SNX29: variants seen among roughly 807,000 people sequenced by gnomAD.
SNX29 encodes sorting nexin-29.
Under a neutral mutation model 102.1 loss-of-function variants are expected in SNX29, and 78 were observed. That is an observed-to-expected ratio of 0.76 (90% confidence interval 0.64 to 0.92). The LOEUF (loss-of-function observed/expected upper bound fraction) is 0.92. Among genes scored for constraint, SNX29 ranks in the 40% least tolerant of loss-of-function variants. SNX29 has a pLI of 0.00. For missense variants in SNX29, 1,280 were observed against 1,061.7 expected, an observed-to-expected ratio of 1.21 and a Z score of -2.86; for synonymous variants, 580 against 414.5, an observed-to-expected ratio of 1.40 and a Z score of -4.85.
chr16:12,159,373 T>C (rs1019685012), intron 13 of SNX29, among the ~76,000 whole-genome samples: 24 of 152,244 alleles, frequency 1.6e-4, no homozygotes, highest in Non-Finnish European at 3.2e-4. Flanking sequence ...AATCCCAGTA[T>C]TGAGTAGATG....
intron 20 of SNX29, among the ~76,000 whole-genome samples, chr16:12,535,666 C>T (rs1035485349): frequency 1.3e-5 from 2 of 152,146 alleles, no homozygotes; most frequent in Non-Finnish European, 2.9e-5. Flanking sequence ...ATCTTCAGGG[C>T]TGGGGCTTTC....
intron 20 of SNX29, among the ~76,000 whole-genome samples, chr16:12,548,356 T>C (rs544414188): frequency 6.1e-4 from 93 of 152,350 alleles, no homozygotes; most frequent in South Asian, 2.5e-3. Flanking sequence ...GTGGGCACTC[T>C]GCACCCACAT....
chr16:12,353,464 G>A (rs974121711), intron 15 of SNX29, among the ~76,000 whole-genome samples: 3 of 140,228 alleles, frequency 2.1e-5, no homozygotes, highest in African/African-American at 3.3e-5. Flanking sequence ...TGAAATGGGT[G>A]TGGTTTTTAA....
At chr16:12,491,011 C>G (rs540749241) in intron 19 of SNX29, among the ~76,000 whole-genome samples, 1 of 152,212 alleles carries the variant, frequency 6.6e-6, no homozygotes, top group East Asian at 1.9e-4. Flanking sequence ...ATCAATGATA[C>G]TTATTCTTTA....
rs147964116 is a variant in SNX29 at position 12,123,781 on chromosome 16, C to G, written c.1403-2852C>G. Among the ~76,000 whole-genome samples the G allele has an allele frequency of 3.0e-3, 460 of 152,194 alleles. 3 individuals carry two copies. The highest frequency in any genetic ancestry group is 0.01 in the African/African-American group (436 of 41,526). Reference sequence around the variant, plus strand: ...GCGATGTTCTCCTAAGATGGGCTGGCAAATGTTTTCTGGAAAGGGCTGGAC... The same window carrying G: ...GCGATGTTCTCCTAAGATGGGCTGGGAAATGTTTTCTGGAAAGGGCTGGAC... On this transcript the variant is annotated intron_variant, in intron 11 of 20. Transcript: ENST00000566228.
Position 12,150,551 on chromosome 16 carries a change from G to T in SNX29, c.1595+20793G>T, listed in dbSNP as rs566553503. On this transcript the variant is annotated intron_variant, in intron 13 of 20. Transcript: ENST00000566228. ...GTCATTGAGGAGCAGACCTTTTGAAGAGTGAGTCTGCATCACAGCTTTAAC... is the reference window on the plus strand; with the variant it reads ...GTCATTGAGGAGCAGACCTTTTGAATAGTGAGTCTGCATCACAGCTTTAAC... Among the ~76,000 whole-genome samples, 9 of 152,356 alleles carry T rather than the reference G, an allele frequency of 5.9e-5. 1 individual carries two copies. The South Asian group carries it at 1.9e-3, about 32-fold the overall frequency.
intron 4 of SNX29, among the ~76,000 whole-genome samples, chr16:12,040,249 C>T (rs3862465): frequency 0.36 from 55,079 of 151,764 alleles, 10,747 homozygotes; most frequent in Non-Finnish European, 0.44. Flanking sequence ...CATGGGGGTG[C>T]GTGCCTGTGT....
intron 16 of SNX29, among the ~76,000 whole-genome samples, chr16:12,395,003 C>T (rs892085365): frequency 5.9e-5 from 9 of 152,150 alleles, no homozygotes; most frequent in South Asian, 2.1e-4. Context: ...TCTTTACCAC[C>T]GCCTTACCTG....
At chr16:12,467,216 A>C (rs1398838203) in intron 18 of SNX29, among the ~76,000 whole-genome samples, 2 of 152,204 alleles carry the variant, frequency 1.3e-5, no homozygotes, top group Non-Finnish European at 2.9e-5. Context: ...TGAATGGGCC[A>C]ACCATGGTCC....
chr16:12,033,569 T>C (rs2057398442), intron 4 of SNX29, among the ~76,000 whole-genome samples: 1 of 152,156 alleles, frequency 6.6e-6, no homozygotes, highest in South Asian at 2.1e-4. Flanking sequence ...TGAGTTCTTC[T>C]TCCATCAAAC....
chr16:12,253,277 G>T (rs751748638), intron 14 of SNX29, among the ~76,000 whole-genome samples: 1 of 152,176 alleles, frequency 6.6e-6, no homozygotes. Context: ...TGTTTATTGA[G>T]TGCCTGTCAT....
intron 11 of SNX29, among the ~76,000 whole-genome samples, chr16:12,085,614 A>C (rs1049307992): frequency 6.6e-6 from 1 of 152,186 alleles, no homozygotes; most frequent in Non-Finnish European, 1.5e-5. Context: ...GGCGTGAGCC[A>C]CCGTGCCCAG....
intron 19 of SNX29, among the ~76,000 whole-genome samples, chr16:12,479,413 G>C (rs2087804202): frequency 1.3e-5 from 2 of 152,176 alleles, no homozygotes; most frequent in African/African-American, 4.8e-5. Flanking sequence ...ACATTTACAT[G>C]TGTGTAGATT....
At chr16:12,091,762 G>T (rs2151405943) in intron 11 of SNX29, among the ~76,000 whole-genome samples, 1 of 117,172 alleles carries the variant, frequency 8.5e-6, no homozygotes, top group African/African-American at 3.5e-5. Context: ...GGGCAACAGA[G>T]CAAGATCCTT....
At chr16:12,064,011 C>T (rs1180036846) in intron 9 of SNX29, among the ~76,000 whole-genome samples, 1 of 151,982 alleles carries the variant, frequency 6.6e-6, no homozygotes, top group African/African-American at 2.4e-5. Flanking sequence ...TCTAGGACCC[C>T]TGGGGAGTTT....
intron 15 of SNX29, among the ~76,000 whole-genome samples, chr16:12,329,816 C>T (rs1216415837): frequency 6.6e-6 from 1 of 152,232 alleles, no homozygotes; most frequent in African/African-American, 2.4e-5. Flanking sequence ...TTGTATTTTT[C>T]AGACCTGTTC....
chr16:12,138,301 A>G (rs1371573429), intron 13 of SNX29, among the ~76,000 whole-genome samples: 2 of 142,068 alleles, frequency 1.4e-5, no homozygotes, highest in Non-Finnish European at 3.0e-5. Flanking sequence ...TCCGCTTCCC[A>G]GGTTCAAGCA....
intron 19 of SNX29, among the ~76,000 whole-genome samples, chr16:12,520,008 T>A (rs998381387): frequency 3.7e-4 from 55 of 150,588 alleles, no homozygotes; most frequent in Admixed American, 1.7e-3. Flanking sequence ...AAAATAAAAA[T>A]AATAATAATA....
chr16:12,502,016 G>A (rs1325205709), intron 19 of SNX29, among the ~76,000 whole-genome samples: 2 of 152,160 alleles, frequency 1.3e-5, no homozygotes, highest in African/African-American at 4.8e-5. Context: ...GACTCATGCA[G>A]GTTTTACTGC....
Sources: allele counts gnomAD v4.1 joint callset (sites outside exome capture counted in the v4.1 genomes callset), GRCh38; gene constraint gnomAD v4.1.1; transcripts MANE v1.5; gene names NCBI Gene and HGNC (gene_info 2026-07-23, HGNC 2026-07-21).